The following ZNF518B variants were observed in gnomAD, a reference collection of about 807,000 sequenced individuals.
ZNF518B encodes zinc finger protein 518B.
In ZNF518B, 23 loss-of-function variants were observed where a neutral mutation model predicts 56.3. That is an observed-to-expected ratio of 0.41 (90% CI 0.29 to 0.58). The LOEUF is 0.58. ZNF518B is among the 20% of genes least tolerant of loss of function. ZNF518B has a pLI of 0.32. For synonymous variants in ZNF518B, 529 were observed against 465.9 expected, an observed-to-expected ratio of 1.14 and a Z score of -1.74; for missense variants, 1,460 against 1,272.1, an observed-to-expected ratio of 1.15 and a Z score of -2.25.
At chr4:10,459,494 G>A (rs770987106), upstream of ZNF518B, among the ~76,000 whole-genome samples, 10 of 152,030 alleles carry the variant, frequency 6.6e-5, no homozygotes, top group African/African-American at 2.2e-4. Flanking sequence ...AGAAAAATAC[G>A]TTGAAGCGCT....
At chr4:10,447,931 G>T (rs1351383051) in intron 2 of ZNF518B, among the ~76,000 whole-genome samples, 4 of 152,182 alleles carry the variant, frequency 2.6e-5, no homozygotes, top group Non-Finnish European at 5.9e-5. Flanking sequence ...TTACAGGCGT[G>T]AGCCACCGCA....
intron 2 of ZNF518B, among the ~76,000 whole-genome samples, chr4:10,447,588 C>T (rs1182806416): frequency 6.7e-6 from 1 of 150,176 alleles, no homozygotes; most frequent in Non-Finnish European, 1.5e-5. Flanking sequence ...TGGCCTGGGA[C>T]ACAAGAGGTG....
At position 10,445,108 on chromosome 4, in the gene ZNF518B, T is replaced by A; in HGVS notation, c.1221A>T (p.Thr407=). 6.2e-7 allele frequency: 1 copy of A among 1,614,188 alleles called. No individual in the cohort carries two copies. The highest frequency in any genetic ancestry group is 1.1e-5 in the South Asian group (1 of 91,086). ...CGAGTTTTCCAACATTCCCGTCAAC[T>A]GTCAGTGACTTTGTTTTTTCTGCAG... ...VLSAEKTKSL[T]VDGNVGKLVG... is the part of the protein sequence containing the mutation. The change falls in exon 3 of 3, where the codon ACA becomes ACT. Residue 407 remains threonine (T), a synonymous_variant. Transcript: ENST00000326756.
Position 10,444,525 on chromosome 4 carries a change from T to C in ZNF518B, c.1804A>G (p.Ile602Val), listed in dbSNP as rs370725156. ...QHKSEYLHIN[I>V]TGEDRSQQPG... ...TGTTGAGATCTATCTTCTCCAGTTA[T>C]GTTTATATGTAAATACTCACTCTTA... Residue 602 changes from isoleucine (I) to valine (V), a missense_variant, in exon 3 of 3, where the codon ATA (isoleucine) becomes GTA (valine). Ile to Val is a conservative substitution (Grantham distance 29). Coordinates refer to ENST00000326756, the MANE Select transcript of ZNF518B (RefSeq NM_053042.3). 1.6e-5 allele frequency: 26 copies of C among 1,614,026 alleles called. No individual in the cohort carries two copies. The African/African-American group carries it at 3.2e-4, about 20-fold the overall frequency.
chr4:10,456,921 C>G (rs936449242), intron 1 of ZNF518B, among the ~76,000 whole-genome samples: 1 of 151,404 alleles, frequency 6.6e-6, no homozygotes, highest in Non-Finnish European at 1.5e-5. Flanking sequence ...ACACGAACGG[C>G]CCCGCGGGAC....
Position 10,440,894 on chromosome 4 carries a change from TCA to T in ZNF518B, c.*2208_*2209del, listed in dbSNP as rs1183230460. 6.6e-6 allele frequency: 1 copy of T among 152,608 alleles called. No homozygotes were observed. The highest frequency in any genetic ancestry group is 1.5e-5 in the Non-Finnish European group (1 of 68,040). 9.5% of individuals were successfully genotyped at this position (152,608 alleles called of 1,614,324 possible). On this transcript the variant is annotated 3_prime_UTR_variant, in exon 3 of 3. Coordinates refer to ENST00000326756, the MANE Select transcript of ZNF518B (RefSeq NM_053042.3). Reference sequence around the variant, plus strand: ...ACAAAAAAAAACCACAGCCTTTTCTTCACTCCTCTCCTCTCTATATCTTGGGA... The same window carrying T: ...ACAAAAAAAAACCACAGCCTTTTCTTCTCCTCTCCTCTCTATATCTTGGGA...
rs765760941 is a variant in ZNF518B at position 10,445,422 on chromosome 4, C to A, written c.907G>T (p.Val303Phe). 5 of 1,614,234 alleles carry A rather than the reference C, an allele frequency of 3.1e-6. No individual in the cohort carries two copies. In the South Asian group the frequency reaches 5.5e-5, roughly 18 times the overall value. ...ACATTTTTGTTCTCAAATAGGTTGA[C>A]TTCATTTGGCTCAGACAGGGTCATT... ...NKMTLSEPNEVNLFENKNVEV... is the reference protein window; with the variant it reads ...NKMTLSEPNEFNLFENKNVEV... Residue 303 changes from valine (V) to phenylalanine (F), a missense_variant, in exon 3 of 3, where the codon GTC becomes TTC. By Grantham distance (50) the Val-to-Phe change is conservative. Transcript: ENST00000326756.
Position 10,454,203 on chromosome 4 carries a change from GGGCAAACA to G in ZNF518B, c.-212+594_-212+601del. The stretch of plus-strand genomic sequence containing the variant: ...AGGCCACCACCCCTGGGCTGTCATG[GGGCAAACA>G]GACAAGCAGACTCAGGGTTCCACCC... On this transcript the variant is annotated intron_variant, in intron 2 of 2. Coordinates refer to ENST00000326756, the MANE Select transcript of ZNF518B (RefSeq NM_053042.3). The G allele has an allele frequency of 2.0e-5, 3 of 152,330 alleles. 1 individual carries two copies. In the Middle Eastern group the frequency reaches 0.01, roughly 518 times the overall value. The allele number at this position is 152,330 out of a possible 1,614,324, so 9.4% of individuals were successfully genotyped here. A position where few individuals can be genotyped will look rare whatever the true frequency, so the allele number is the denominator to read the frequency against.
chr4:10,446,355 A>C lies in ZNF518B; in HGVS notation c.-27T>G, dbSNP rs1159130102. ...TTATCTGCATTTCTAAAAAGAGCCA[A>C]CTAAAATTCAGAAAGTTTTCACATG... On this transcript the variant is annotated 5_prime_UTR_variant, in exon 3 of 3. Coordinates refer to ENST00000326756, the MANE Select transcript of ZNF518B (RefSeq NM_053042.3). 5.2e-6 allele frequency: 8 copies of C among 1,550,340 alleles called. No homozygotes were observed. The highest frequency in any genetic ancestry group is 6.1e-6 in the Non-Finnish European group (7 of 1,145,732).
Position 10,444,743 on chromosome 4 carries a change from G to A in ZNF518B, c.1586C>T (p.Pro529Leu), listed in dbSNP as rs781711524. 4.3e-6 allele frequency: 7 copies of A among 1,613,882 alleles called. No individual in the cohort carries two copies. The highest frequency in any genetic ancestry group is 5.9e-6 in the Non-Finnish European group (7 of 1,179,922). Residue 529 changes from proline (P) to leucine (L), a missense_variant, in exon 3 of 3, where the codon CCA becomes CTA. Coordinates refer to ENST00000326756, the MANE Select transcript of ZNF518B (RefSeq NM_053042.3). ...NLHSSSQQLL[P>L]FAASPATCSF... The stretch of plus-strand genomic sequence containing the variant: ...ACAGGTTGCAGGTGATGCAGCAAAT[G>A]GGAGTAACTGCTGTGAGCTACTGTG...
intron 2 of ZNF518B, chr4:10,453,512 A>T (rs1364316745): frequency 6.6e-6 from 1 of 152,226 alleles, no homozygotes; most frequent in Non-Finnish European, 1.5e-5. Flanking sequence ...TTTAAGAAAA[A>T]AATATTTGTA....
At chr4:10,451,296 A>G (rs533679283) in intron 2 of ZNF518B, 2 of 152,358 alleles carry the variant, frequency 1.3e-5, no homozygotes, top group East Asian at 1.9e-4. Context: ...TTGACTTCTA[A>G]ATACTGGAAA....
intron 2 of ZNF518B, chr4:10,453,115 TCA>T (rs769552976): frequency 5.3e-5 from 8 of 152,266 alleles, no homozygotes; most frequent in Middle Eastern, 3.2e-3. Context: ...CTGAATGTTC[TCA>T]CTTATAAAAT....
chr4:10,458,618 C>T (rs1379043429), upstream of ZNF518B, among the ~76,000 whole-genome samples: 1 of 152,230 alleles, frequency 6.6e-6, no homozygotes, highest in African/African-American at 2.4e-5. Flanking sequence ...AACCTCGGTC[C>T]TGATCAGGGA....
In ZNF518B at chr4:10,444,136, A is replaced by T. The variant is rs1292636994; in HGVS notation, c.2193T>A (p.Gly731=). The change falls in exon 3 of 3, where the codon GGT becomes GGA. Residue 731 remains glycine (G), a synonymous_variant. Coordinates refer to ENST00000326756, the MANE Select transcript of ZNF518B (RefSeq NM_053042.3). ...TGTLQKPPND[G]GITGNRQLTH... ...TAAGCTGTCTATTACCAGTAATACC[A>T]CCATCATTCGGAGGTTTCTGAAGAG... The T allele has an allele frequency of 6.2e-7, 1 of 1,614,210 alleles. No homozygotes were observed.
upstream of ZNF518B, among the ~76,000 whole-genome samples, chr4:10,460,324 C>CAAAAAAAAAAAAAAAAAAAAAAAA (rs1715706695): frequency 1.1e-4 from 2 of 17,398 alleles, no homozygotes; most frequent in Admixed American, 1.0e-3. Context: ...AAAAAAAAAA[C>CAAAAAAAAAAAAAAAAAAAAAAAA]CAAAAAAAAA....
At position 10,443,829 on chromosome 4, in the gene ZNF518B, C is replaced by A. The variant is rs773935376; in HGVS notation, c.2500G>T (p.Asp834Tyr). The A allele has an allele frequency of 1.9e-6, 3 of 1,614,090 alleles. No individual in the cohort carries two copies. Among genetic ancestry groups the A allele is most frequent in the African/African-American group, 2.7e-5 (2 of 74,932 alleles). ...QPLRSERGPI[D>Y]MSPNIETPLR... ...GGTGTCTCGATATTTGGGGACATAT[C>A]TATTGGCCCCCTTTCACTTCTTAAA... is the stretch of plus-strand genomic sequence containing the variant. The change falls in exon 3 of 3, where the codon GAT (aspartate) becomes TAT (tyrosine). Residue 834 changes from aspartate (D) to tyrosine (Y), a missense_variant. Coordinates refer to ENST00000326756, the MANE Select transcript of ZNF518B (RefSeq NM_053042.3).
intron 1 of ZNF518B, among the ~76,000 whole-genome samples, chr4:10,456,488 C>T (rs1715532251): frequency 6.6e-6 from 1 of 152,180 alleles, no homozygotes. Flanking sequence ...ACCATCTCTT[C>T]TCAACCTCCT....
intron 2 of ZNF518B, chr4:10,450,782 C>A (rs763612068): frequency 6.6e-6 from 1 of 152,160 alleles, no homozygotes; most frequent in African/African-American, 2.4e-5. Context: ...GTTTGCCTAC[C>A]GTGCAAACTC....
Sources: allele counts gnomAD v4.1 joint callset (sites outside exome capture counted in the v4.1 genomes callset), GRCh38; gene constraint gnomAD v4.1.1; transcripts MANE v1.5; gene names NCBI Gene and HGNC (gene_info 2026-07-23, HGNC 2026-07-21).